The following SLC14A2 variants were observed in gnomAD, a reference collection of about 807,000 sequenced individuals.
SLC14A2 encodes solute carrier family 14 member 2.
Under a neutral mutation model 104.6 loss-of-function variants are expected in SLC14A2, and 91 were observed. That is an observed-to-expected ratio of 0.87 (90% CI 0.73 to 1.04). The LOEUF is 1.04. SLC14A2 is among the 50% of genes least tolerant of loss of function. SLC14A2 has a pLI of 0.00. For missense variants in SLC14A2, 1,189 were observed against 1,156.0 expected (o/e 1.03, Z -0.41); for synonymous variants, 476 against 466.4 (o/e 1.02, Z -0.27).
intron 2 of SLC14A2, among the ~76,000 whole-genome samples, chr18:45,520,897 T>C (rs1335046538): frequency 6.6e-6 from 1 of 152,200 alleles, no homozygotes; most frequent in African/African-American, 2.4e-5. Context: ...TGATTATTAT[T>C]ATGACCGAAA....
chr18:45,193,488 T>A, the SLC14A2 span, among the ~76,000 whole-genome samples: 1 of 152,228 alleles, frequency 6.6e-6, no homozygotes, highest in African/African-American at 2.4e-5. Context: ...CTTTCCACAC[T>A]GAATTTTGTA....
At chr18:45,413,038 C>T (rs1383371060) in intron 1 of SLC14A2, among the ~76,000 whole-genome samples, 1 of 152,132 alleles carries the variant, frequency 6.6e-6, no homozygotes, top group African/African-American at 2.4e-5. Context: ...TTTTTCATTA[C>T]TGTTGTTTTT....
At chr18:45,649,493 A>G (rs1568313798) in intron 10 of SLC14A2, among the ~76,000 whole-genome samples, 1 of 152,194 alleles carries the variant, frequency 6.6e-6, no homozygotes, top group Non-Finnish European at 1.5e-5. Flanking sequence ...CAGCCATTCT[A>G]TCATCCATTT....
chr18:45,316,099 G>T (rs190326562), intron 1 of SLC14A2, among the ~76,000 whole-genome samples: 1 of 152,190 alleles, frequency 6.6e-6, no homozygotes, highest in Non-Finnish European at 1.5e-5. Flanking sequence ...TATGCCATTT[G>T]TGCCTCCCTC....
intron 1 of SLC14A2, among the ~76,000 whole-genome samples, chr18:45,420,742 A>AT (rs1185901492): frequency 6.6e-6 from 1 of 150,538 alleles, no homozygotes; most frequent in Non-Finnish European, 1.5e-5. Flanking sequence ...TTTTATTATT[A>AT]TTATTATTTT....
chr18:45,299,856 G>T lies in SLC14A2; in HGVS notation c.-125+86665G>T, dbSNP rs114067505. On this transcript the variant is annotated intron_variant, in intron 1 of 20. Transcript: ENST00000586448. ...TTGTCTCAAGTCCTGGCCTGAGAGAGGCAGAAAGTTTCTAGTACTTGTCGT... is the reference window on the plus strand; with the variant it reads ...TTGTCTCAAGTCCTGGCCTGAGAGATGCAGAAAGTTTCTAGTACTTGTCGT... 4.3e-3 allele frequency among the ~76,000 whole-genome samples: 650 copies of T among 152,342 alleles called. 4 individuals are homozygous for T. Among genetic ancestry groups the T allele is most frequent in the African/African-American group, 0.015 (615 of 41,570 alleles).
chr18:45,446,447 G>C (rs986518218), intron 1 of SLC14A2, among the ~76,000 whole-genome samples: 1 of 152,174 alleles, frequency 6.6e-6, no homozygotes, highest in Non-Finnish European at 1.5e-5. Flanking sequence ...AAGCCAGGAA[G>C]AAAGCCCTCA....
intron 1 of SLC14A2, among the ~76,000 whole-genome samples, chr18:45,218,753 C>G (rs188524860): frequency 2.2e-4 from 34 of 152,242 alleles, no homozygotes; most frequent in African/African-American, 7.7e-4. Context: ...AACACTAGTT[C>G]CTCGGACTGC....
chr18:45,480,643 C>A (rs556401986), intron 1 of SLC14A2, among the ~76,000 whole-genome samples: 3 of 152,306 alleles, frequency 2.0e-5, no homozygotes, highest in African/African-American at 7.2e-5. Context: ...ATAACCAGAG[C>A]AGAGCTCCCC....
chr18:45,455,150 T>A (rs1449884414), intron 1 of SLC14A2, among the ~76,000 whole-genome samples: 1 of 152,192 alleles, frequency 6.6e-6, no homozygotes, highest in African/African-American at 2.4e-5. Context: ...ACTGGGTATA[T>A]ACCCAAAGGA....
chr18:45,355,891 A>C (rs936710047), intron 1 of SLC14A2, among the ~76,000 whole-genome samples: 1 of 152,184 alleles, frequency 6.6e-6, no homozygotes, highest in African/African-American at 2.4e-5. Flanking sequence ...TAGATGGGTT[A>C]ATCTCAACCA....
chr18:45,559,809 G>T (rs1195181578), intron 2 of SLC14A2, among the ~76,000 whole-genome samples: 1 of 152,178 alleles, frequency 6.6e-6, no homozygotes, highest in African/African-American at 2.4e-5. Flanking sequence ...CCTCCTTGGG[G>T]TGCACCCTAC....
At chr18:45,584,958 T>A (rs1459231556) in intron 2 of SLC14A2, among the ~76,000 whole-genome samples, 1 of 152,186 alleles carries the variant, frequency 6.6e-6, no homozygotes, top group Non-Finnish European at 1.5e-5. Flanking sequence ...CTTGGCTCCA[T>A]CAAAAATAGT....
chr18:45,377,956 G>C (rs2085793048), intron 1 of SLC14A2, among the ~76,000 whole-genome samples: 1 of 152,076 alleles, frequency 6.6e-6, no homozygotes, highest in Non-Finnish European at 1.5e-5. Context: ...CATTTCTGTG[G>C]CTTGTTTATC....
intron 2 of SLC14A2, among the ~76,000 whole-genome samples, chr18:45,601,184 C>T (rs1406442907): frequency 6.6e-6 from 1 of 152,240 alleles, no homozygotes; most frequent in African/African-American, 2.4e-5. Context: ...GCCCAACCTA[C>T]AGCTTCATTC....
At chr18:45,533,412 C>T (rs1319476487) in intron 2 of SLC14A2, among the ~76,000 whole-genome samples, 3 of 152,168 alleles carry the variant, frequency 2.0e-5, no homozygotes, top group Non-Finnish European at 4.4e-5. Context: ...CAACTTCTTC[C>T]TGGTTTAGTC....
chr18:45,443,391 G>A (rs537081653), intron 1 of SLC14A2, among the ~76,000 whole-genome samples: 1 of 152,312 alleles, frequency 6.6e-6, no homozygotes, highest in African/African-American at 2.4e-5. Context: ...TGATGCTAAT[G>A]GACTGATTGG....
At position 45,673,671 on chromosome 18, in the gene SLC14A2, C is replaced by T; in HGVS notation, c.2378-12C>T. 6.2e-7 allele frequency: 1 copy of T among 1,612,666 alleles called. No homozygotes were observed. On this transcript the variant is annotated splice_polypyrimidine_tract_variant and intron_variant, in intron 17 of 19. Coordinates refer to ENST00000255226, the MANE Select transcript of SLC14A2 (RefSeq NM_007163.4). ...CCCTAGACCCAACCCTGATGCCTGCCTTCTGTCACAGCACTCACTATTGCG... is the reference window on the plus strand; with the variant it reads ...CCCTAGACCCAACCCTGATGCCTGCTTTCTGTCACAGCACTCACTATTGCG...
At chr18:45,299,720 C>T (rs954701486) in intron 1 of SLC14A2, among the ~76,000 whole-genome samples, 1 of 152,192 alleles carries the variant, frequency 6.6e-6, no homozygotes, top group South Asian at 2.1e-4. Context: ...CCTTGGCCTC[C>T]CAAAGTGCTG....
Sources: allele counts gnomAD v4.1 joint callset (sites outside exome capture counted in the v4.1 genomes callset), GRCh38; gene constraint gnomAD v4.1.1; transcripts MANE v1.5; gene names NCBI Gene and HGNC (gene_info 2026-07-23, HGNC 2026-07-21).